ZNF208: variants seen among roughly 807,000 people sequenced by gnomAD.
ZNF208 encodes zinc finger protein 95.
A neutral mutation model predicts 12.1 loss-of-function variants in ZNF208; 10 were observed. The observed-to-expected ratio is 0.83, with a 90% CI of 0.51 to 1.40. The LOEUF (loss-of-function observed/expected upper bound fraction) is 1.40. Ranked by LOEUF, ZNF208 falls within the 40% of genes most tolerant of loss-of-function variation. ZNF208 has a pLI of 0.00. For missense variants in ZNF208, 1,652 were observed against 1,485.0 expected (o/e 1.11, Z -1.85); for synonymous variants, 497 against 488.4 (o/e 1.02, Z -0.23).
intron 1 of ZNF208, among the ~76,000 whole-genome samples, chr19:22,003,426 T>G (rs774166752): frequency 2.6e-5 from 4 of 151,376 alleles, no homozygotes; most frequent in African/African-American, 4.9e-5. Context: ...TTGCAAACTA[T>G]GCTTCTGACA....
intron 3 of ZNF208, among the ~76,000 whole-genome samples, chr19:21,981,293 G>T (rs944157829): frequency 8.6e-5 from 13 of 151,872 alleles, no homozygotes; most frequent in Admixed American, 5.3e-4. Context: ...TGATTAACAT[G>T]GATGCAAAAA....
intron 4 of ZNF208, among the ~76,000 whole-genome samples, chr19:21,957,191 C>A (rs1203104705): frequency 6.6e-6 from 1 of 152,128 alleles, no homozygotes; most frequent in Non-Finnish European, 1.5e-5. Context: ...AGGCATGCAC[C>A]ACCATGGCCA....
intron 4 of ZNF208, among the ~76,000 whole-genome samples, chr19:21,942,020 T>C (rs1246636460): frequency 2.6e-5 from 4 of 152,214 alleles, no homozygotes; most frequent in Non-Finnish European, 5.9e-5. Flanking sequence ...TACATTTTGA[T>C]GTGTAAATCT....
intron 3 of ZNF208, among the ~76,000 whole-genome samples, chr19:21,983,028 C>A (rs1970571202): frequency 6.6e-6 from 1 of 152,038 alleles, no homozygotes; most frequent in Non-Finnish European, 1.5e-5. Context: ...CCTAATTAAA[C>A]TAAGAGCTTC....
In ZNF208 at chr19:21,971,766, A is replaced by G; in HGVS notation, c.3268T>C (p.Cys1090Arg). ...AGEEPYKCEE[C>R]GKAFNWSSNL... ...GAGGACCAGTTGAAAGCTTTGCCAC[A>G]TTCTTCACATTTGTAGGGTTCCTCT... Residue 1090 changes from cysteine (C) to arginine (R), a missense_variant, in exon 4 of 4, where the codon TGT becomes CGT. Cys to Arg is a radical substitution (Grantham distance 180). Transcript: ENST00000397126. 6.2e-7 allele frequency: 1 copy of G among 1,613,956 alleles called. No homozygotes were observed. Among genetic ancestry groups the G allele is most frequent in the Non-Finnish European group, 8.5e-7 (1 of 1,179,940 alleles).
intron 1 of ZNF208, among the ~76,000 whole-genome samples, chr19:22,002,899 T>C (rs987470069): frequency 6.6e-6 from 1 of 152,202 alleles, no homozygotes; most frequent in African/African-American, 2.4e-5. Flanking sequence ...AAGGCAATCA[T>C]AAGCAAAAAC....
In ZNF208 at chr19:21,970,757, AAATTCTT is replaced by A; in HGVS notation, c.*427_*433del. The stretch of plus-strand genomic sequence containing the variant: ...TTGGGAACTGTTTAAAAGCTTTGCC[AAATTCTT>A]CACATTTTTAGAATTTCTCTCCAGC... On this transcript the variant is annotated 3_prime_UTR_variant, in exon 4 of 4. Coordinates refer to ENST00000397126, the MANE Select transcript of ZNF208 (RefSeq NM_007153.3). 7.3e-7 allele frequency: 1 copy of A among 1,378,182 alleles called. No homozygotes were observed. The highest frequency in any genetic ancestry group is 1.0e-6 in the Non-Finnish European group (1 of 972,846). 85.4% of individuals were successfully genotyped at this position (1,378,182 alleles called of 1,614,324 possible). A position where few individuals can be genotyped will look rare whatever the true frequency, so the allele number is the denominator to read the frequency against.
At chr19:21,955,998 T>A (rs1436913893) in intron 4 of ZNF208, among the ~76,000 whole-genome samples, 1 of 152,172 alleles carries the variant, frequency 6.6e-6, no homozygotes, top group Non-Finnish European at 1.5e-5. Context: ...ATGATGGTGA[T>A]GTACAGATGG....
intron 1 of ZNF208, among the ~76,000 whole-genome samples, chr19:22,007,242 G>C (rs188260390): frequency 6.6e-6 from 1 of 152,044 alleles, no homozygotes; most frequent in Non-Finnish European, 1.5e-5. Context: ...CCTGAGGGCC[G>C]GGCACGGTGG....
chr19:21,964,138 CTAA>C, downstream of ZNF208, among the ~76,000 whole-genome samples: 1 of 151,892 alleles, frequency 6.6e-6, no homozygotes, highest in South Asian at 2.1e-4. Flanking sequence ...AAAAATACTA[CTAA>C]TACTTTTTTT....
At chr19:21,986,776 G>A (rs1035780776) in intron 3 of ZNF208, 4 of 350,680 alleles carry the variant, frequency 1.1e-5, no homozygotes, top group African/African-American at 8.4e-5. Flanking sequence ...ATAAAAACAG[G>A]ATGAAATGTA....
In ZNF208 at chr19:21,971,211, G is replaced by A; in HGVS notation, c.3823C>T (p.His1275Tyr). Residue 1275 changes from histidine to tyrosine, a missense_variant, in exon 4 of 4, where the codon CAT (histidine) becomes TAT (tyrosine). Around this residue, in one of 3 missense-constraint regions of ZNF208, gnomAD observed 1,239 missense variants for 1,086.2 expected, o/e 1.14. Transcript: ENST00000397126. ...CATTTCTAGAGTTTCTCTCCAGTAT[G>A]AATTTTCTTATGTTTACTGAAGACT... is the stretch of plus-strand genomic sequence containing the variant. ...LSVFSKHKKIHTGEKL is the reference protein window; with the variant it reads ...LSVFSKHKKIYTGEKL The A allele has an allele frequency of 1.2e-6, 2 of 1,611,718 alleles. No homozygotes were observed. The highest frequency in any genetic ancestry group is 1.7e-6 in the Non-Finnish European group (2 of 1,179,624).
chr19:21,959,090 A>G (rs1056784891), intron 4 of ZNF208, among the ~76,000 whole-genome samples: 2 of 152,202 alleles, frequency 1.3e-5, no homozygotes, highest in South Asian at 2.1e-4. Context: ...GATTAAAAAA[A>G]AAAAGGAACT....
Position 22,007,635 on chromosome 19 carries a change from C to CT in ZNF208, c.3+3156dup, listed in dbSNP as rs546628015. 7.6e-3 allele frequency among the ~76,000 whole-genome samples: 1,157 copies of CT among 151,252 alleles called. 8 individuals are homozygous for CT. The highest frequency in any genetic ancestry group is 0.026 in the African/African-American group (1,083 of 41,238). Reference sequence around the variant, plus strand: ...TTAGATATTGTTTTTTGAAATTCACCTTTTTTTATGCCCTTTGTAAATATT... The same window carrying CT: ...TTAGATATTGTTTTTTGAAATTCACCTTTTTTTTATGCCCTTTGTAAATATT... On this transcript the variant is annotated intron_variant, in intron 1 of 3. Coordinates refer to ENST00000397126, the MANE Select transcript of ZNF208 (RefSeq NM_007153.3).
chr19:21,973,801 G>T lies in ZNF208; in HGVS notation c.1233C>A (p.Ile411=). 1 of 1,605,844 alleles carries T rather than the reference G, an allele frequency of 6.2e-7. No homozygotes were observed. Among genetic ancestry groups the T allele is most frequent in the South Asian group, 1.1e-5 (1 of 90,734 alleles). The change falls in exon 4 of 4, where the codon ATC becomes ATA. Residue 411 remains isoleucine, a synonymous_variant. Transcript: ENST00000397126. ...TATGAATGACCTCATGTTTAGTAAG[G>T]ATTGAGAACATACTAAAACCTTTGC... ...ECGKGFSMFS[I]LTKHEVIHTG... is the part of the protein sequence containing the mutation.
At chr19:21,956,224 G>A (rs1372598983) in intron 4 of ZNF208, among the ~76,000 whole-genome samples, 1 of 152,186 alleles carries the variant, frequency 6.6e-6, no homozygotes, top group Non-Finnish European at 1.5e-5. Context: ...GCACCCGGCT[G>A]TATGAGGTGT....
chr19:21,965,241 C>T (rs1271206199), downstream of ZNF208, among the ~76,000 whole-genome samples: 1 of 152,120 alleles, frequency 6.6e-6, no homozygotes, highest in African/African-American at 2.4e-5. Flanking sequence ...AAATAATACA[C>T]TAAAATAAAG....
At chr19:21,983,653 C>A (rs1970584200) in intron 3 of ZNF208, among the ~76,000 whole-genome samples, 1 of 151,992 alleles carries the variant, frequency 6.6e-6, no homozygotes, top group Admixed American at 6.6e-5. Flanking sequence ...ACATATATAC[C>A]ATGGAATACT....
chr19:21,954,510 G>A (rs2145520120), intron 4 of ZNF208, among the ~76,000 whole-genome samples: 1 of 152,256 alleles, frequency 6.6e-6, no homozygotes, highest in South Asian at 2.1e-4. Context: ...TTATGAATCT[G>A]GGTGCTCCTT....
Sources: allele counts gnomAD v4.1 joint callset (sites outside exome capture counted in the v4.1 genomes callset), GRCh38; gene constraint gnomAD v4.1.1; regional missense constraint gnomAD v4.1.1; transcripts MANE v1.5; gene names NCBI Gene and HGNC (gene_info 2026-07-23, HGNC 2026-07-21).